The following DNM3 variants were observed in gnomAD, a reference collection of about 807,000 sequenced individuals.
DNM3 encodes dynamin 3.
In DNM3, 47 loss-of-function variants were observed where a neutral mutation model predicts 101.6. That is an observed-to-expected ratio of 0.46 (90% CI 0.37 to 0.59). The LOEUF is 0.59. Among genes scored for constraint, DNM3 ranks in the 20% least tolerant of loss-of-function variants. DNM3 has a pLI of 0.00. For synonymous variants in DNM3, 385 were observed against 387.9 expected (o/e 0.99, Z 0.09); for missense variants, 849 against 1,085.7 (o/e 0.78, Z 3.06).
intron 4 of DNM3, among the ~76,000 whole-genome samples, chr1:171,995,096 GTTTTTTTTTTTTTTT>G (rs35925537): frequency 2.0e-4 from 10 of 49,640 alleles, no homozygotes; most frequent in African/African-American, 6.7e-4. Context: ...TGAAATCCAG[GTTTTTTTTTTTTTTT>G]TTTTTTTTTT....
intron 14 of DNM3, among the ~76,000 whole-genome samples, chr1:172,223,341 G>A (rs1419325263): frequency 6.7e-6 from 1 of 148,712 alleles, no homozygotes; most frequent in African/African-American, 2.5e-5. Context: ...CACCTCTCCA[G>A]GCATATCGGC....
chr1:172,264,614 G>A (rs1471152083), intron 15 of DNM3, among the ~76,000 whole-genome samples: 7 of 152,108 alleles, frequency 4.6e-5, no homozygotes, highest in Non-Finnish European at 8.8e-5. Context: ...TCAGTGTTTT[G>A]GATCAATTTG....
At chr1:172,121,926 G>A (rs1287652634) in intron 13 of DNM3, among the ~76,000 whole-genome samples, 1 of 152,062 alleles carries the variant, frequency 6.6e-6, no homozygotes, top group African/African-American at 2.4e-5. Context: ...AAAACAGTCA[G>A]GCTTCTTTCA....
chr1:172,122,592 C>T (rs1039300588), intron 13 of DNM3, among the ~76,000 whole-genome samples: 5 of 152,124 alleles, frequency 3.3e-5, no homozygotes, highest in African/African-American at 1.2e-4. Context: ...AATTTAACAT[C>T]AGAGGATTAT....
At chr1:172,152,182 TA>T (rs892210938) in intron 14 of DNM3, among the ~76,000 whole-genome samples, 47 of 152,082 alleles carry the variant, frequency 3.1e-4, no homozygotes, top group African/African-American at 1.1e-3. Context: ...CCGTGCTGGC[TA>T]AAAGGATTCT....
At chr1:172,015,102 G>A (rs1572092505) in intron 4 of DNM3, among the ~76,000 whole-genome samples, 1 of 152,112 alleles carries the variant, frequency 6.6e-6, no homozygotes. Flanking sequence ...ATATGGGTCT[G>A]TTTCTGGGCT....
chr1:172,268,918 C>T (rs1258321480), intron 15 of DNM3, among the ~76,000 whole-genome samples: 2 of 152,122 alleles, frequency 1.3e-5, no homozygotes, highest in Non-Finnish European at 2.9e-5. Context: ...AGGAATTCTT[C>T]ATGCTTAAAA....
intron 17 of DNM3, among the ~76,000 whole-genome samples, chr1:172,349,603 AATTTC>A (rs1242598106): frequency 3.9e-5 from 6 of 152,168 alleles, no homozygotes; most frequent in Admixed American, 2.0e-4. Flanking sequence ...TCCTGTTCTG[AATTTC>A]ATTTCAAGAT....
intron 14 of DNM3, among the ~76,000 whole-genome samples, chr1:172,157,995 G>C (rs1053477019): frequency 6.6e-6 from 1 of 151,968 alleles, no homozygotes; most frequent in African/African-American, 2.4e-5. Context: ...AAATTTAACA[G>C]ACAAAAATCC....
chr1:172,150,545 G>C (rs1024350167), intron 14 of DNM3, among the ~76,000 whole-genome samples: 2 of 152,084 alleles, frequency 1.3e-5, no homozygotes, highest in Non-Finnish European at 2.9e-5. Flanking sequence ...TTTATGTCAG[G>C]GTCCATGCTA....
chr1:172,307,229 A>G (rs1209605441), intron 15 of DNM3, among the ~76,000 whole-genome samples: 1 of 152,250 alleles, frequency 6.6e-6, no homozygotes, highest in Non-Finnish European at 1.5e-5. Flanking sequence ...AAGCATATGA[A>G]CAGATACTTC....
intron 9 of DNM3, among the ~76,000 whole-genome samples, chr1:172,046,276 A>G (rs1021906937): frequency 6.6e-5 from 10 of 152,154 alleles, no homozygotes; most frequent in African/African-American, 2.4e-4. Context: ...GAAATTGGAA[A>G]CCATCATTCT....
chr1:171,993,184 C>T (rs2045750920), intron 4 of DNM3, among the ~76,000 whole-genome samples: 1 of 152,024 alleles, frequency 6.6e-6, no homozygotes, highest in African/African-American at 2.4e-5. Context: ...GTTAACTTTA[C>T]TGGTGTTCTT....
chr1:172,098,422 C>T (rs1159275837), intron 13 of DNM3, among the ~76,000 whole-genome samples: 3 of 152,210 alleles, frequency 2.0e-5, no homozygotes, highest in Non-Finnish European at 4.4e-5. Context: ...GTTCCCTGAA[C>T]ATTGCTGTTA....
intron 1 of DNM3, among the ~76,000 whole-genome samples, chr1:171,854,505 T>C (rs2033358723): frequency 1.3e-5 from 2 of 152,032 alleles, no homozygotes; most frequent in Non-Finnish European, 2.9e-5. Context: ...TTCCTTTTTT[T>C]CTGAGACAAA....
chr1:172,348,442 G>A (rs573128489), intron 17 of DNM3, among the ~76,000 whole-genome samples: 20 of 152,188 alleles, frequency 1.3e-4, no homozygotes, highest in Non-Finnish European at 2.2e-4. Flanking sequence ...GGAATTAGAC[G>A]GACTGCTGAT....
chr1:172,152,264 C>CTT (rs746363618), intron 14 of DNM3, among the ~76,000 whole-genome samples: 9 of 136,488 alleles, frequency 6.6e-5, no homozygotes, highest in Non-Finnish European at 9.6e-5. Flanking sequence ...ACTTCCCTTC[C>CTT]TTTTTTTTTT....
intron 15 of DNM3, among the ~76,000 whole-genome samples, chr1:172,305,305 C>T (rs541268062): frequency 1.5e-4 from 23 of 152,262 alleles, no homozygotes; most frequent in Non-Finnish European, 3.2e-4. Context: ...AATTCCTGGA[C>T]ACATACACCA....
chr1:172,277,687 A>G (rs796881048), intron 15 of DNM3, among the ~76,000 whole-genome samples: 14 of 152,228 alleles, frequency 9.2e-5, no homozygotes, highest in African/African-American at 3.1e-4. Context: ...AATTAAAATA[A>G]TTGATGAGGT....
Sources: allele counts gnomAD v4.1 joint callset (sites outside exome capture counted in the v4.1 genomes callset), GRCh38; gene constraint gnomAD v4.1.1; transcripts MANE v1.5; gene names NCBI Gene and HGNC (gene_info 2026-07-23, HGNC 2026-07-21).